The following ENO4 variants were observed in gnomAD, a reference collection of about 807,000 sequenced individuals.
ENO4 encodes enolase 4.
A neutral mutation model predicts 63.2 loss-of-function variants in ENO4; 53 were observed. The observed-to-expected ratio is 0.84, with a 90% CI of 0.67 to 1.05. The LOEUF is 1.05. ENO4 is among the 50% of genes least tolerant of loss of function. The probability of loss-of-function intolerance (pLI) is 0.00; values close to 1 mark genes in which losing one functional copy is unlikely to be tolerated. For missense variants in ENO4, 719 were observed against 772.0 expected, an observed-to-expected ratio of 0.93 and a Z score of 0.81; for synonymous variants, 266 against 283.8, an observed-to-expected ratio of 0.94 and a Z score of 0.63.
At chr10:116,876,321 T>TA in intron 11 of ENO4, 61 bp downstream of exon 11, 1 of 1,254,188 alleles carries the variant, frequency 8.0e-7, no homozygotes, top group Non-Finnish European at 1.1e-6. Flanking sequence ...AAACCAAAAA[T>TA]ACACAGCATA....
exon 11 of ENO4, chr10:116,911,633 G>T: frequency 6.4e-7 from 1 of 1,557,190 alleles, no homozygotes; most frequent in South Asian, 1.2e-5. Context: ...ATATGTGATG[G>T]AGCAGTCTGT....
intron 8 of ENO4, among the ~76,000 whole-genome samples, chr10:116,869,403 T>C (rs539689291): frequency 1.3e-5 from 2 of 152,180 alleles, no homozygotes; most frequent in Non-Finnish European, 2.9e-5. Flanking sequence ...TTTGCTTTGG[T>C]TTGTGAGCGA....
At chr10:116,890,718 A>G (rs1847316977) in intron 10 of ENO4, among the ~76,000 whole-genome samples, 1 of 152,034 alleles carries the variant, frequency 6.6e-6, no homozygotes, top group African/African-American at 2.4e-5. Flanking sequence ...CCCTACTGCA[A>G]GAGAGCCCAA....
In ENO4 at chr10:116,858,996, C is replaced by G; in HGVS notation, c.492C>G (p.Phe164Leu). The change falls in exon 4 of 14, where the codon TTC (phenylalanine) becomes TTG (leucine). Residue 164 changes from phenylalanine to leucine, a missense_variant. By Grantham distance (22) the Phe-to-Leu change is conservative (BLOSUM62 0). Transcript: ENST00000341276. The part of the protein sequence containing the change: ...QAEVDHLLRI[F>L]FASKVQEDKG... ...ATATTTTCTTGCTATTAAGGATATT[C>G]TTCGCAAGTAAAGTACAAGAAGATA... 2 of 1,532,436 alleles carry G rather than the reference C, an allele frequency of 1.3e-6. No homozygotes were observed. Among genetic ancestry groups the G allele is most frequent in the Non-Finnish European group, 1.7e-6 (2 of 1,144,340 alleles). 94.9% of individuals were successfully genotyped at this position (1,532,436 alleles called of 1,614,324 possible).
intron 10 of ENO4, among the ~76,000 whole-genome samples, chr10:116,875,596 T>C (rs1846811785): frequency 1.6e-5 from 1 of 61,976 alleles, no homozygotes; most frequent in Non-Finnish European, 3.6e-5. Flanking sequence ...CATGCACATG[T>C]ATGTGTATAA....
chr10:116,866,721 C>T lies in ENO4; in HGVS notation c.991-1929C>T, dbSNP rs186048863. 2.5e-3 allele frequency among the ~76,000 whole-genome samples: 385 copies of T among 151,836 alleles called. 2 individuals carry two copies. The Middle Eastern group carries it at 0.031, about 12-fold the overall frequency. ...TTGGGAGGCTGAGGTGGGAGGATTG[C>T]TTGAGCCCAGGAGTTTGAGGCTGCA... On this transcript the variant is annotated intron_variant, in intron 7 of 13. Coordinates refer to ENST00000341276, the MANE Select transcript of ENO4 (RefSeq NM_001242699.2).
downstream of ENO4, among the ~76,000 whole-genome samples, chr10:116,887,249 G>A (rs1847193945): frequency 1.3e-5 from 2 of 152,172 alleles, no homozygotes; most frequent in African/African-American, 4.8e-5. Flanking sequence ...GTTTTCCACA[G>A]ACTCCTTCTC....
At chr10:116,873,036 T>C (rs1341648201) in intron 9 of ENO4, among the ~76,000 whole-genome samples, 2 of 152,234 alleles carry the variant, frequency 1.3e-5, no homozygotes, top group Non-Finnish European at 2.9e-5. Flanking sequence ...ATATACTGAC[T>C]GCTAGTGCTA....
At position 116,871,097 on chromosome 10, in the gene ENO4, C is replaced by T; in HGVS notation, c.1048-28C>T. The T allele has an allele frequency of 3.2e-6, 5 of 1,548,026 alleles. No homozygotes were observed. In the South Asian group the frequency reaches 4.8e-5, roughly 15 times the overall value. ...CAAGAACCTTAATGTGCTGTATTGA[C>T]ATGGATCATTGTCTCTTGATCTTGC... On this transcript the variant is annotated intron_variant, in intron 8 of 13. Coordinates refer to ENST00000341276, the MANE Select transcript of ENO4 (RefSeq NM_001242699.2).
chr10:116,909,971 C>T (rs2133343420), intron 10 of ENO4, among the ~76,000 whole-genome samples: 1 of 152,220 alleles, frequency 6.6e-6, no homozygotes, highest in South Asian at 2.1e-4. Flanking sequence ...TCTTACATGC[C>T]ATGATTGTGA....
At chr10:116,888,113 G>A (rs573968244) in intron 10 of ENO4, among the ~76,000 whole-genome samples, 2 of 152,314 alleles carry the variant, frequency 1.3e-5, no homozygotes, top group Admixed American at 1.3e-4. Context: ...GTCTTCCTTG[G>A]AGGTGGTAAA....
chr10:116,885,662 C>G (rs1252332164), downstream of ENO4: 3 of 152,318 alleles, frequency 2.0e-5, no homozygotes, highest in Non-Finnish European at 1.5e-5. Context: ...TTTGGACTTT[C>G]ACCTCAGTTC....
At chr10:116,875,124 T>C (rs1846791522) in intron 10 of ENO4, among the ~76,000 whole-genome samples, 5 of 152,192 alleles carry the variant, frequency 3.3e-5, no homozygotes, top group Admixed American at 3.3e-4. Context: ...TTGAGAAACA[T>C]CAGATAGATT....
At chr10:116,865,762 C>T (rs938931737) in intron 7 of ENO4, among the ~76,000 whole-genome samples, 18 of 152,242 alleles carry the variant, frequency 1.2e-4, no homozygotes, top group African/African-American at 4.1e-4. Context: ...ATGTACAGGG[C>T]GGCCCCCACA....
At chr10:116,855,303 C>G (rs1846231907) in intron 1 of ENO4, among the ~76,000 whole-genome samples, 1 of 152,100 alleles carries the variant, frequency 6.6e-6, no homozygotes. Context: ...TGAAGAAGGC[C>G]TGCTAATCAG....
intron 10 of ENO4, among the ~76,000 whole-genome samples, chr10:116,897,184 G>A (rs1847553598): frequency 1.3e-5 from 2 of 152,172 alleles, no homozygotes; most frequent in Admixed American, 6.5e-5. Context: ...GCTGCAATGG[G>A]TATGTTGGCC....
downstream of ENO4, chr10:116,882,699 G>A (rs1347244109): frequency 6.6e-6 from 1 of 152,104 alleles, no homozygotes; most frequent in African/African-American, 2.4e-5. Flanking sequence ...CTTTTAAAGA[G>A]TACTAACAAG....
At chr10:116,901,093 TC>T in intron 10 of ENO4, 3 of 985,352 alleles carry the variant, frequency 3.0e-6, no homozygotes, top group Non-Finnish European at 3.6e-6. Flanking sequence ...CTCTTCCTTT[TC>T]TTTAAGTGAC....
chr10:116,906,799 A>G, intron 10 of ENO4: 2 of 1,393,080 alleles, frequency 1.4e-6, no homozygotes, highest in Non-Finnish European at 1.9e-6. Context: ...AATACAATAT[A>G]CAAAAGAATA....
Sources: allele counts gnomAD v4.1 joint callset (sites outside exome capture counted in the v4.1 genomes callset), GRCh38; gene constraint gnomAD v4.1.1; transcripts MANE v1.5; gene names NCBI Gene and HGNC (gene_info 2026-07-23, HGNC 2026-07-21).